RPS6KC1: variants seen among roughly 807,000 people sequenced by gnomAD.
RPS6KC1 encodes the protein inactive ribosomal protein S6 kinase delta-1.
Under a neutral mutation model 103.8 loss-of-function variants are expected in RPS6KC1, and 54 were observed. That is an observed-to-expected ratio of 0.52 (90% CI 0.42 to 0.65). The LOEUF (loss-of-function observed/expected upper bound fraction) is 0.65. RPS6KC1 is among the 30% of genes least tolerant of loss of function. The probability of loss-of-function intolerance (pLI) is 0.00; values close to 1 mark genes in which losing one functional copy is unlikely to be tolerated. For synonymous variants in RPS6KC1, 439 were observed against 438.7 expected, an observed-to-expected ratio of 1.00 and a Z score of -0.01; for missense variants, 1,151 against 1,253.8, an observed-to-expected ratio of 0.92 and a Z score of 1.24.
the RPS6KC1 span, among the ~76,000 whole-genome samples, chr1:213,647,898 T>C: frequency 2.0e-5 from 3 of 152,214 alleles, no homozygotes; most frequent in African/African-American, 7.2e-5. Flanking sequence ...CACATTTATT[T>C]ACTCGTGGAT....
intron 7 of RPS6KC1, among the ~76,000 whole-genome samples, chr1:213,169,948 A>G (rs1254904064): frequency 6.6e-6 from 1 of 151,880 alleles, no homozygotes; most frequent in East Asian, 1.9e-4. Flanking sequence ...TGCCTGGCTA[A>G]TTTTTGTATT....
At chr1:213,680,496 C>G in the RPS6KC1 span, among the ~76,000 whole-genome samples, 1 of 152,270 alleles carries the variant, frequency 6.6e-6, no homozygotes, top group African/African-American at 2.4e-5. Flanking sequence ...AACTGCCTTG[C>G]AAAAGGACTG....
chr1:213,272,228 A>G (rs550059723), intron 14 of RPS6KC1, among the ~76,000 whole-genome samples: 187 of 152,316 alleles, frequency 1.2e-3, no homozygotes, highest in African/African-American at 4.3e-3. Context: ...GGGGTAGGAA[A>G]TTGATAGGTA....
chr1:213,251,082 T>C (rs1014909142), intron 12 of RPS6KC1, among the ~76,000 whole-genome samples: 6 of 151,674 alleles, frequency 4.0e-5, no homozygotes, highest in Admixed American at 1.3e-4. Flanking sequence ...CTGTCTTCTT[T>C]ATTCGCCCAG....
At chr1:213,617,901 T>G in the RPS6KC1 span, among the ~76,000 whole-genome samples, 2 of 152,218 alleles carry the variant, frequency 1.3e-5, no homozygotes, top group Non-Finnish European at 2.9e-5. Context: ...AGGGGTCTTC[T>G]CAGAATGAAA....
the RPS6KC1 span, among the ~76,000 whole-genome samples, chr1:213,427,832 G>A: frequency 6.6e-6 from 1 of 152,114 alleles, no homozygotes; most frequent in Non-Finnish European, 1.5e-5. Context: ...ATTTATCTTT[G>A]GCAAGGTTCA....
chr1:213,234,499 T>C (rs2094180135), intron 10 of RPS6KC1, among the ~76,000 whole-genome samples: 1 of 152,110 alleles, frequency 6.6e-6, no homozygotes. Context: ...AAGTTCTGAA[T>C]GGCAAAAGAA....
At chr1:213,371,895 C>G in the RPS6KC1 span, among the ~76,000 whole-genome samples, 1 of 152,158 alleles carries the variant, frequency 6.6e-6, no homozygotes, top group East Asian at 1.9e-4. Context: ...GACCAGAATG[C>G]CCACTCCCTG....
chr1:213,704,193 C>A, the RPS6KC1 span, among the ~76,000 whole-genome samples: 3 of 151,488 alleles, frequency 2.0e-5, no homozygotes, highest in East Asian at 3.9e-4. Flanking sequence ...CGAGACCATC[C>A]TGGCTAACAC....
chr1:213,628,911 C>T, the RPS6KC1 span, among the ~76,000 whole-genome samples: 2 of 152,042 alleles, frequency 1.3e-5, no homozygotes, highest in Non-Finnish European at 1.5e-5. Context: ...GTTTCTTAAC[C>T]CTGAGTTCTG....
chr1:213,527,066 G>A, the RPS6KC1 span, among the ~76,000 whole-genome samples: 1 of 152,168 alleles, frequency 6.6e-6, no homozygotes, highest in African/African-American at 2.4e-5. Context: ...AGTGGAAGGT[G>A]CTGTAAATAT....
At chr1:213,653,113 A>G in the RPS6KC1 span, among the ~76,000 whole-genome samples, 3 of 152,238 alleles carry the variant, frequency 2.0e-5, no homozygotes, top group Non-Finnish European at 4.4e-5. Context: ...ATCATAGAAT[A>G]CAGTCCATGT....
downstream of RPS6KC1, among the ~76,000 whole-genome samples, chr1:213,277,291 GA>G (rs1558682243): frequency 6.6e-6 from 1 of 152,230 alleles, no homozygotes; most frequent in Non-Finnish European, 1.5e-5. Context: ...TTTTTGGTAA[GA>G]TTTATGATCC....
At chr1:213,055,429 A>C (rs773144343) in intron 1 of RPS6KC1, among the ~76,000 whole-genome samples, 3 of 151,696 alleles carry the variant, frequency 2.0e-5, no homozygotes, top group Non-Finnish European at 4.4e-5. Context: ...ATTCCATTGT[A>C]TGGTTATACT....
intron 8 of RPS6KC1, among the ~76,000 whole-genome samples, chr1:213,188,251 G>T (rs1397097031): frequency 1.3e-5 from 2 of 151,958 alleles, no homozygotes; most frequent in African/African-American, 4.8e-5. Context: ...AAGATGTTGG[G>T]GAACCTGGAT....
chr1:213,129,679 T>G lies in RPS6KC1; in HGVS notation c.625T>G (p.Ser209Ala). Residue 209 changes from serine to alanine, a missense_variant, in exon 6 of 15, where the codon TCT (serine) becomes GCT (alanine). Physicochemically the swap from Ser to Ala is moderately conservative, Grantham distance 99. Coordinates refer to ENST00000366960, the MANE Select transcript of RPS6KC1 (RefSeq NM_012424.6). ...SDSSALGAVA[S>A]DSEQSKTEEE... is the part of the protein sequence containing the mutation. ...TTCTTCAGCACTAGGGGCTGTTGCT[T>G]CTGACAGTGAACAGAGCAAAACAGA... The G allele has an allele frequency of 6.2e-7, 1 of 1,614,058 alleles. No individual in the cohort carries two copies. Among genetic ancestry groups the G allele is most frequent in the African/African-American group, 1.3e-5 (1 of 75,050 alleles).
chr1:213,386,442 G>A, the RPS6KC1 span, among the ~76,000 whole-genome samples: 2 of 152,240 alleles, frequency 1.3e-5, no homozygotes, highest in Non-Finnish European at 1.5e-5. Context: ...GCTGTGATGA[G>A]GATGAGATCG....
Position 213,262,661 on chromosome 1 carries a change from A to G in RPS6KC1, c.2995-60A>G, listed in dbSNP as rs374553706. On this transcript the variant is annotated intron_variant, in intron 13 of 14. Transcript: ENST00000366960. ...TCTGTACTTGCTGTCCATAAATCCT[A>G]TGATAGAACAAAATATGATGTTATT... 7.8e-4 allele frequency: 856 copies of G among 1,100,596 alleles called. 12 individuals carry two copies. In the South Asian group the frequency reaches 0.01, roughly 13 times the overall value. The allele number at this position is 1,100,596 out of a possible 1,614,324, so 68.2% of individuals were successfully genotyped here. A position where few individuals can be genotyped will look rare whatever the true frequency, so the allele number is the denominator to read the frequency against.
chr1:213,381,316 T>C, the RPS6KC1 span, among the ~76,000 whole-genome samples: 2 of 152,124 alleles, frequency 1.3e-5, no homozygotes, highest in African/African-American at 4.8e-5. Context: ...CGCTCCTTCT[T>C]TTCTTTGCTC....
Sources: allele counts gnomAD v4.1 joint callset (sites outside exome capture counted in the v4.1 genomes callset), GRCh38; gene constraint gnomAD v4.1.1; transcripts MANE v1.5; gene names NCBI Gene and HGNC (gene_info 2026-07-23, HGNC 2026-07-21).